The following IGF1R variants were observed in gnomAD, a reference collection of about 807,000 sequenced individuals.
IGF1R encodes the protein insulin-like growth factor 1 receptor.
In IGF1R, 44 loss-of-function variants were observed where a neutral mutation model predicts 144.6. That is an observed-to-expected ratio of 0.30 (90% CI 0.24 to 0.39). IGF1R has a LOEUF of 0.39. IGF1R is among the 10% of genes least tolerant of loss of function. The pLI, the probability that IGF1R is intolerant of heterozygous loss-of-function variation, is 1.00. For missense variants in IGF1R, 1,355 were observed against 1,833.7 expected, an observed-to-expected ratio of 0.74 and a Z score of 4.77; for synonymous variants, 795 against 722.8, an observed-to-expected ratio of 1.10 and a Z score of -1.60.
intron 2 of IGF1R, among the ~76,000 whole-genome samples, chr15:98,831,231 A>G (rs2056995844): frequency 1.3e-5 from 2 of 152,272 alleles, no homozygotes; most frequent in Non-Finnish European, 2.9e-5. Context: ...TTTCTTTTCC[A>G]TTTATTTCAC....
At chr15:98,728,239 T>C (rs1005340871) in intron 2 of IGF1R, among the ~76,000 whole-genome samples, 2 of 152,084 alleles carry the variant, frequency 1.3e-5, no homozygotes, top group Non-Finnish European at 2.9e-5. Flanking sequence ...CTAGGAGAAA[T>C]CACGCCTGTT....
intron 1 of IGF1R, among the ~76,000 whole-genome samples, chr15:98,696,641 A>G (rs1423807687): frequency 6.6e-6 from 1 of 152,216 alleles, no homozygotes; most frequent in African/African-American, 2.4e-5. Context: ...CCTTTGGCTG[A>G]TACCACTGCT....
chr15:98,914,740 G>A (rs1207700967), intron 8 of IGF1R, among the ~76,000 whole-genome samples: 1 of 152,186 alleles, frequency 6.6e-6, no homozygotes, highest in African/African-American at 2.4e-5. Context: ...CTGTACCAAT[G>A]AGTCAGTTCA....
In IGF1R at chr15:98,959,970, G is replaced by GGTGTGTGT. The variant is rs398058004; in HGVS notation, c.*2535_*2542dup. On this transcript the variant is annotated 3_prime_UTR_variant, in exon 21 of 21. Coordinates refer to ENST00000650285, the MANE Select transcript of IGF1R (RefSeq NM_000875.5). ...TTATGAATTTAAATTTCAAGGAAAG[G>GGTGTGTGT]GTGTGTGTGTGTGTATGTGTGGGGT... is the stretch of plus-strand genomic sequence containing the variant. 3.5e-5 allele frequency: 8 copies of GGTGTGTGT among 231,402 alleles called. No homozygotes were observed. Among genetic ancestry groups the GGTGTGTGT allele is most frequent in the African/African-American group, 1.3e-4 (6 of 45,044 alleles). 14.3% of individuals were successfully genotyped at this position (231,402 alleles called of 1,614,324 possible).
At chr15:98,905,121 A>G (rs1391092876) in intron 5 of IGF1R, among the ~76,000 whole-genome samples, 3 of 152,210 alleles carry the variant, frequency 2.0e-5, no homozygotes, top group Non-Finnish European at 4.4e-5. Context: ...TTGGATTCCC[A>G]GATGGAGTGC....
intron 2 of IGF1R, among the ~76,000 whole-genome samples, chr15:98,889,117 C>G (rs1407799098): frequency 2.6e-5 from 4 of 152,200 alleles, no homozygotes; most frequent in African/African-American, 9.7e-5. Flanking sequence ...GAGATGTAGT[C>G]TGTAACTGGA....
At chr15:98,656,461 A>G (rs1161624399) in intron 1 of IGF1R, among the ~76,000 whole-genome samples, 1 of 152,190 alleles carries the variant, frequency 6.6e-6, no homozygotes, top group African/African-American at 2.4e-5. Flanking sequence ...AGGCAGGAGA[A>G]TTGCTGAAAC....
chr15:98,878,680 AAAAAAAAAAAAAAAAC>A (rs1274370368), intron 2 of IGF1R, among the ~76,000 whole-genome samples: 4 of 145,184 alleles, frequency 2.8e-5, no homozygotes, highest in Admixed American at 6.8e-5. Flanking sequence ...AAAAAAAAAA[AAAAAAAAAAAAAAAAC>A]AACAACAAAA....
intron 1 of IGF1R, among the ~76,000 whole-genome samples, chr15:98,683,344 G>A (rs1195763409): frequency 6.6e-6 from 1 of 152,210 alleles, no homozygotes; most frequent in Admixed American, 6.5e-5. Flanking sequence ...TCTGTTCTGA[G>A]TCTTTCACGA....
chr15:98,702,077 T>C (rs1229849422), intron 1 of IGF1R, among the ~76,000 whole-genome samples: 1 of 149,648 alleles, frequency 6.7e-6, no homozygotes, highest in African/African-American at 2.5e-5. Context: ...AGGTTGTGTC[T>C]AAGACATAAT....
intron 2 of IGF1R, among the ~76,000 whole-genome samples, chr15:98,723,428 G>A (rs377462213): frequency 6.6e-6 from 1 of 152,186 alleles, no homozygotes; most frequent in East Asian, 1.9e-4. Flanking sequence ...TGGCAAAGAA[G>A]ATCTGCCGAA....
At chr15:98,725,845 A>G (rs1000921532) in intron 2 of IGF1R, among the ~76,000 whole-genome samples, 1 of 152,222 alleles carries the variant, frequency 6.6e-6, no homozygotes, top group African/African-American at 2.4e-5. Flanking sequence ...GAAAATGTGG[A>G]AGAAGCAAAA....
chr15:98,857,105 T>G (rs1375821295), intron 2 of IGF1R, among the ~76,000 whole-genome samples: 1 of 152,212 alleles, frequency 6.6e-6, no homozygotes, highest in Non-Finnish European at 1.5e-5. Context: ...GGTTTGTGCC[T>G]TGGAAGTTGC....
At chr15:98,943,689 G>C in intron 19 of IGF1R, among the ~76,000 whole-genome samples, 1 of 152,354 alleles carries the variant, frequency 6.6e-6, no homozygotes, top group East Asian at 1.9e-4. Context: ...CAGAGAGGCA[G>C]TCAGGTTCTG....
chr15:98,929,648 T>G lies in IGF1R; in HGVS notation c.2873T>G (p.Phe958Cys). 6.2e-7 allele frequency: 1 copy of G among 1,612,908 alleles called. No homozygotes were observed. The highest frequency in any genetic ancestry group is 8.5e-7 in the Non-Finnish European group (1 of 1,178,850). Residue 958 changes from phenylalanine (F) to cysteine (C), a missense_variant, in exon 14 of 21, where the codon TTC (phenylalanine) becomes TGC (cysteine). This residue lies in a region of IGF1R where 880 missense variants were observed against 1,202.7 expected (regional missense o/e 0.73). Coordinates refer to ENST00000650285, the MANE Select transcript of IGF1R (RefSeq NM_000875.5). ...GGGTTGGTGATTATGCTGTACGTCT[T>G]CCATAGAAAGAGGTCAGTGATGTGC... ...VGGLVIMLYV[F>C]HRKRNNSRLG...
intron 2 of IGF1R, among the ~76,000 whole-genome samples, chr15:98,841,363 C>T (rs1356520842): frequency 6.6e-6 from 1 of 152,190 alleles, no homozygotes; most frequent in Non-Finnish European, 1.5e-5. Context: ...ATGTTCTCAT[C>T]TCTAAAGTAT....
intron 2 of IGF1R, among the ~76,000 whole-genome samples, chr15:98,808,308 T>TC (rs989754061): frequency 6.4e-4 from 97 of 152,372 alleles, no homozygotes; most frequent in African/African-American, 2.2e-3. Context: ...TTGAAAGAGT[T>TC]CCGTATTATT....
intron 2 of IGF1R, among the ~76,000 whole-genome samples, chr15:98,847,380 G>A (rs906220595): frequency 1.3e-5 from 2 of 152,156 alleles, no homozygotes; most frequent in African/African-American, 4.8e-5. Context: ...ACCCTGTGCC[G>A]ATAAACTAAG....
intron 2 of IGF1R, among the ~76,000 whole-genome samples, chr15:98,869,113 G>A (rs2012628050): frequency 6.6e-6 from 1 of 152,054 alleles, no homozygotes; most frequent in Admixed American, 6.5e-5. Context: ...TTCGAGGAAG[G>A]GGCAAGGAAA....
Sources: gnomAD v4.1 joint callset for allele counts (sites outside exome capture counted in the v4.1 genomes callset) on GRCh38, gnomAD v4.1.1 for gene constraint, gnomAD v4.1.1 regional missense constraint, MANE v1.5 for transcripts, NCBI Gene and HGNC (gene_info 2026-07-23, HGNC 2026-07-21) for gene names.